PTPRD: variants seen among roughly 807,000 people sequenced by gnomAD.
PTPRD encodes receptor-type tyrosine-protein phosphatase delta.
Under a neutral mutation model 214.5 loss-of-function variants are expected in PTPRD, and 34 were observed. That is an observed-to-expected ratio of 0.16 (90% CI 0.12 to 0.21). PTPRD has a LOEUF of 0.21. Among genes scored for constraint, PTPRD ranks in the 10% least tolerant of loss-of-function variants. PTPRD has a pLI of 1.00. For missense variants in PTPRD, 2,545 were observed against 2,398.7 expected, an observed-to-expected ratio of 1.06 and a Z score of -1.27; for synonymous variants, 1,128 against 845.7, an observed-to-expected ratio of 1.33 and a Z score of -5.79.
At chr9:10,039,081 A>G in intron 3 of PTPRD, among the ~76,000 whole-genome samples, 1 of 152,122 alleles carries the variant, frequency 6.6e-6, no homozygotes, top group Non-Finnish European at 1.5e-5. Flanking sequence ...ATGTACAGGC[A>G]TGTACGTAGG....
intron 8 of PTPRD, among the ~76,000 whole-genome samples, chr9:9,495,917 T>C (rs1188015582): frequency 6.6e-6 from 1 of 152,112 alleles, no homozygotes; most frequent in African/African-American, 2.4e-5. Flanking sequence ...GTAACACCCC[T>C]TGTGGGGCTT....
intron 2 of PTPRD, among the ~76,000 whole-genome samples, chr9:10,519,617 G>A (rs1304415606): frequency 1.3e-5 from 2 of 152,020 alleles, no homozygotes; most frequent in Non-Finnish European, 2.9e-5. Flanking sequence ...ATAAACTGAT[G>A]TTTCTGGTAA....
At chr9:9,289,601 T>C (rs1950526958) in intron 9 of PTPRD, among the ~76,000 whole-genome samples, 1 of 151,788 alleles carries the variant, frequency 6.6e-6, no homozygotes, top group Admixed American at 6.6e-5. Context: ...TCAAACTTTG[T>C]ACCCTTTGTA....
chr9:9,170,919 C>T (rs181618406), intron 10 of PTPRD, among the ~76,000 whole-genome samples: 1 of 152,084 alleles, frequency 6.6e-6, no homozygotes, highest in Non-Finnish European at 1.5e-5. Context: ...GGAATTAAGT[C>T]CAGATGCAAG....
intron 3 of PTPRD, among the ~76,000 whole-genome samples, chr9:10,125,659 T>TGTGTGTGTG (rs1554687349): frequency 6.6e-6 from 1 of 150,610 alleles, no homozygotes; most frequent in African/African-American, 2.4e-5. Flanking sequence ...TGTGTGTGTA[T>TGTGTGTGTG]TTTTAGTAGA....
At chr9:8,858,093 CCCT>C (rs773178175) in intron 11 of PTPRD, 216 of 162,404 alleles carry the variant, frequency 1.3e-3, no homozygotes, top group South Asian at 3.3e-3. Context: ...TGTCTCCTCC[CCCT>C]CCTCCTCCTC....
intron 27 of PTPRD, among the ~76,000 whole-genome samples, chr9:8,489,490 T>C (rs1298921948): frequency 6.6e-6 from 1 of 152,138 alleles, no homozygotes; most frequent in Non-Finnish European, 1.5e-5. Flanking sequence ...AGCCTGGAAG[T>C]GCCACAAAGC....
chr9:9,486,461 C>G (rs2095641979), intron 8 of PTPRD, among the ~76,000 whole-genome samples: 2 of 152,060 alleles, frequency 1.3e-5, no homozygotes, highest in South Asian at 4.1e-4. Context: ...TGGAAAATTC[C>G]CTTCTTGAAA....
At chr9:8,882,088 C>A (rs983654166) in intron 11 of PTPRD, among the ~76,000 whole-genome samples, 2 of 152,172 alleles carry the variant, frequency 1.3e-5, no homozygotes, top group Non-Finnish European at 2.9e-5. Context: ...TAAAAGCAGT[C>A]TGGAAAAAGT....
intron 4 of PTPRD, among the ~76,000 whole-genome samples, chr9:10,029,691 G>C (rs7022669): frequency 0.21 from 32,355 of 152,076 alleles, 3,968 homozygotes; most frequent in East Asian, 0.48. Context: ...ATTTGCTTTT[G>C]ATTTTACAGG....
intron 2 of PTPRD, among the ~76,000 whole-genome samples, chr9:10,537,399 T>G (rs2058075458): frequency 6.6e-6 from 1 of 152,174 alleles, no homozygotes. Context: ...TTTGCTGCTG[T>G]TAATTTGTGT....
At chr9:9,230,786 G>A (rs1277929225) in intron 9 of PTPRD, among the ~76,000 whole-genome samples, 1 of 152,004 alleles carries the variant, frequency 6.6e-6, no homozygotes, top group Non-Finnish European at 1.5e-5. Flanking sequence ...GAAAATAAGA[G>A]GATAAATCTG....
intron 11 of PTPRD, among the ~76,000 whole-genome samples, chr9:8,940,280 C>CTTTGTTT (rs1555558785): frequency 3.4e-5 from 3 of 89,050 alleles, no homozygotes; most frequent in African/African-American, 1.3e-4. Context: ...TCTCTCTCTC[C>CTTTGTTT]TTTTTTTTTT....
intron 10 of PTPRD, among the ~76,000 whole-genome samples, chr9:9,182,284 G>C (rs1434822592): frequency 6.6e-6 from 1 of 151,954 alleles, no homozygotes; most frequent in Non-Finnish European, 1.5e-5. Flanking sequence ...TTTTCTTAGA[G>C]TCATAAGATA....
chr9:8,900,232 C>T (rs1465851894), intron 11 of PTPRD, among the ~76,000 whole-genome samples: 1 of 152,034 alleles, frequency 6.6e-6, no homozygotes, highest in South Asian at 2.1e-4. Flanking sequence ...GAAAGTAATA[C>T]AAATATCCCT....
chr9:9,660,239 G>T (rs552336248), intron 7 of PTPRD, among the ~76,000 whole-genome samples: 1 of 151,918 alleles, frequency 6.6e-6, no homozygotes, highest in African/African-American at 2.4e-5. Context: ...AGGTGACATC[G>T]GAAGCCTTTG....
chr9:10,271,420 C>T (rs1366143436), intron 3 of PTPRD, among the ~76,000 whole-genome samples: 1 of 150,892 alleles, frequency 6.6e-6, no homozygotes, highest in Non-Finnish European at 1.5e-5. Context: ...TCTAATGGTT[C>T]AAAGAACATT....
intron 9 of PTPRD, among the ~76,000 whole-genome samples, chr9:9,302,374 CTTTGA>C (rs1955639557): frequency 6.6e-6 from 1 of 151,790 alleles, no homozygotes; most frequent in South Asian, 2.1e-4. Flanking sequence ...AGGCAGCTCT[CTTTGA>C]TAATAATTAT....
intron 8 of PTPRD, among the ~76,000 whole-genome samples, chr9:9,459,995 A>C (rs2093485890): frequency 6.6e-6 from 1 of 152,088 alleles, no homozygotes; most frequent in Non-Finnish European, 1.5e-5. Context: ...ACAAAAATAG[A>C]CACATCGATC....
Sources: gnomAD v4.1 joint callset for allele counts (sites outside exome capture counted in the v4.1 genomes callset) on GRCh38, gnomAD v4.1.1 for gene constraint, MANE v1.5 for transcripts, NCBI Gene and HGNC (gene_info 2026-07-23, HGNC 2026-07-21) for gene names.